HNF4G: variants seen among roughly 807,000 people sequenced by gnomAD.
HNF4G encodes the protein hepatocyte nuclear factor 4-gamma.
In HNF4G, 21 loss-of-function variants were observed where a neutral mutation model predicts 50.9. That is an observed-to-expected ratio of 0.41 (90% CI 0.29 to 0.59). The LOEUF (loss-of-function observed/expected upper bound fraction) is 0.59. HNF4G is among the 20% of genes least tolerant of loss of function. HNF4G has a pLI of 0.26. For missense variants in HNF4G, 527 were observed against 559.4 expected (o/e 0.94, Z 0.58); for synonymous variants, 198 against 185.6 (o/e 1.07, Z -0.54).
rs1429831204 is a variant in HNF4G, at chr8:75,565,395, C to G, written c.*1299C>G. 1 of 152,122 alleles carries G rather than the reference C, an allele frequency of 6.6e-6. No individual in the cohort carries two copies. Among genetic ancestry groups the G allele is most frequent in the East Asian group, 1.9e-4 (1 of 5,186 alleles). 9.4% of individuals were successfully genotyped at this position (152,122 alleles called of 1,614,324 possible). On this transcript the variant is annotated 3_prime_UTR_variant, in exon 10 of 10. Coordinates refer to ENST00000396423, the MANE Select transcript of HNF4G (RefSeq NM_004133.5). ...AAAACATTAGATAAAATAAAAGATT[C>G]ACCGGATGGATTCTGATGAAAACGA...
At chr8:75,448,587 T>C (rs1194901975) in intron 1 of HNF4G, among the ~76,000 whole-genome samples, 1 of 151,472 alleles carries the variant, frequency 6.6e-6, no homozygotes, top group East Asian at 1.9e-4. Flanking sequence ...TATGTGCTTA[T>C]AATATGTTAT....
chr8:75,451,392 T>C (rs886277560), intron 1 of HNF4G, among the ~76,000 whole-genome samples: 2 of 151,930 alleles, frequency 1.3e-5, no homozygotes, highest in African/African-American at 4.8e-5. Context: ...TTTATAGCCA[T>C]ATCCAAAAAA....
intron 1 of HNF4G, among the ~76,000 whole-genome samples, chr8:75,456,451 T>C (rs1811726042): frequency 6.6e-6 from 1 of 152,186 alleles, no homozygotes; most frequent in Admixed American, 6.5e-5. Flanking sequence ...CATGGTCCTC[T>C]GAAGAGTATA....
rs1811635025 is a variant in HNF4G, at chr8:75,453,449, A to T, written c.-143-36640A>T. Reference sequence around the variant, plus strand: ...CGATCAGCACTCTGTTAAATGGACCAATCAGCAGGACATGGGTGGGGACAA... The same window carrying T: ...CGATCAGCACTCTGTTAAATGGACCTATCAGCAGGACATGGGTGGGGACAA... On this transcript the variant is annotated intron_variant, in intron 1 of 10. Coordinates refer to the HNF4G transcript ENST00000354370. Among the ~76,000 whole-genome samples, 3 of 152,164 alleles carry T rather than the reference A, an allele frequency of 2.0e-5. No individual in the cohort carries two copies. In the South Asian group the frequency reaches 6.2e-4, roughly 32 times the overall value.
intron 9 of HNF4G, among the ~76,000 whole-genome samples, chr8:75,560,702 CACAAAAGAGTAT>C (rs1438312303): frequency 6.6e-5 from 10 of 152,186 alleles, no homozygotes; most frequent in African/African-American, 1.9e-4. Context: ...GTCTGGGGAG[CACAAAAGAGTAT>C]ACAAGTAGTC....
intron 1 of HNF4G, among the ~76,000 whole-genome samples, chr8:75,450,398 T>TA (rs1394388808): frequency 2.6e-5 from 4 of 152,212 alleles, no homozygotes; most frequent in Non-Finnish European, 5.9e-5. Flanking sequence ...TTAATAGCCT[T>TA]AAGTATTCCT....
chr8:75,514,645 C>A (rs1036754341), intron 2 of HNF4G, among the ~76,000 whole-genome samples: 2 of 152,006 alleles, frequency 1.3e-5, no homozygotes, highest in African/African-American at 4.8e-5. Context: ...GCCACTGCAC[C>A]CGGCCCATCT....
Position 75,558,826 on chromosome 8 carries a change from A to C in HNF4G, c.912A>C (p.Val304=). 2 of 1,614,034 alleles carry C rather than the reference A, an allele frequency of 1.2e-6. No individual in the cohort carries two copies. The highest frequency in any genetic ancestry group is 8.5e-7 in the Non-Finnish European group (1 of 1,179,936). Residue 304 remains valine (V), a synonymous_variant, in exon 8 of 10, where the codon GTA becomes GTC. Transcript: ENST00000396423. ...DPDAKGLSDP[V]KIKNMRFQVQ... is the part of the protein sequence containing the mutation. ...ATGCAAAAGGGCTAAGCGATCCAGT[A>C]AAAATTAAGAACATGAGGTTCCAAG...
intron 2 of HNF4G, among the ~76,000 whole-genome samples, chr8:75,526,669 G>C (rs1806188223): frequency 6.6e-6 from 1 of 151,646 alleles, no homozygotes; most frequent in Admixed American, 6.6e-5. Flanking sequence ...CAAGTAGCTG[G>C]AACTATAAGC....
At chr8:75,517,248 A>G (rs1805913809) in intron 2 of HNF4G, among the ~76,000 whole-genome samples, 1 of 152,156 alleles carries the variant, frequency 6.6e-6, no homozygotes, top group Non-Finnish European at 1.5e-5. Context: ...GTGGAGACAC[A>G]GCCAAACTAT....
intron 1 of HNF4G, among the ~76,000 whole-genome samples, chr8:75,458,842 A>G (rs183752885): frequency 3.3e-5 from 5 of 152,246 alleles, no homozygotes; most frequent in Admixed American, 6.5e-5. Context: ...TCTTTCTTCT[A>G]TTTTATTTTT....
intron 3 of HNF4G, among the ~76,000 whole-genome samples, chr8:75,549,852 A>C (rs1336555670): frequency 1.3e-5 from 2 of 151,882 alleles, no homozygotes; most frequent in Non-Finnish European, 2.9e-5. Flanking sequence ...GAGTGAGAAC[A>C]TGTGATGTTT....
chr8:75,551,520 C>A (rs1800923), intron 4 of HNF4G, 26 bp downstream of exon 4: 54,585 of 1,319,856 alleles, frequency 0.041, 1,378 homozygotes, highest in Non-Finnish European at 0.05. Context: ...CAGCATCAAA[C>A]CCTATTTAAT....
chr8:75,456,735 A>G (rs1310328031), intron 1 of HNF4G, among the ~76,000 whole-genome samples: 1 of 151,602 alleles, frequency 6.6e-6, no homozygotes, highest in African/African-American at 2.4e-5. Flanking sequence ...TATTTTAATT[A>G]ATTAATTTTT....
chr8:75,524,740 A>T (rs1806136027), intron 2 of HNF4G, among the ~76,000 whole-genome samples: 1 of 152,216 alleles, frequency 6.6e-6, no homozygotes, highest in Admixed American at 6.5e-5. Flanking sequence ...GAGACAAATA[A>T]GAAAAGTGTT....
intron 2 of HNF4G, among the ~76,000 whole-genome samples, chr8:75,529,905 T>G (rs182209651): frequency 6.6e-6 from 1 of 152,260 alleles, no homozygotes; most frequent in East Asian, 1.9e-4. Flanking sequence ...CCTCCAAACT[T>G]TTATCCAACC....
intron 1 of HNF4G, among the ~76,000 whole-genome samples, chr8:75,466,357 GATTTT>G (rs981297039): frequency 3.0e-4 from 46 of 151,774 alleles, no homozygotes; most frequent in Admixed American, 1.4e-3. Context: ...TATTTTTATA[GATTTT>G]ATTTTATTTA....
intron 9 of HNF4G, among the ~76,000 whole-genome samples, chr8:75,561,084 A>G (rs1807299438): frequency 6.6e-6 from 1 of 152,074 alleles, no homozygotes; most frequent in South Asian, 2.1e-4. Flanking sequence ...TGCCCTGATG[A>G]GTTTTACTCG....
intron 1 of HNF4G, among the ~76,000 whole-genome samples, chr8:75,436,266 G>T (rs1025584270): frequency 6.6e-6 from 1 of 152,166 alleles, no homozygotes; most frequent in Non-Finnish European, 1.5e-5. Context: ...TCACCAGGAC[G>T]TTTCATGAAA....
Sources: allele counts gnomAD v4.1 joint callset (sites outside exome capture counted in the v4.1 genomes callset), GRCh38; gene constraint gnomAD v4.1.1; transcripts MANE v1.5; gene names NCBI Gene and HGNC (gene_info 2026-07-23, HGNC 2026-07-21).